KIF1B: variants seen among roughly 807,000 people sequenced by gnomAD.
KIF1B encodes the protein kinesin-like protein KIF1B.
KIF1B carries 76 observed loss-of-function variants against 241.9 expected under a neutral mutation model. That is an observed-to-expected ratio of 0.31 (90% CI 0.26 to 0.38). The LOEUF (loss-of-function observed/expected upper bound fraction) is 0.38. Ranked by LOEUF, KIF1B falls within the 10% of genes least tolerant of loss-of-function variation. The pLI is 1.00. For missense variants in KIF1B, 1,622 were observed against 2,271.4 expected (o/e 0.71, Z 5.81); for synonymous variants, 750 against 796.7 (o/e 0.94, Z 0.99).
intron 4 of KIF1B, among the ~76,000 whole-genome samples, chr1:10,261,458 G>A (rs923248653): frequency 8.6e-5 from 13 of 151,618 alleles, no homozygotes; most frequent in Non-Finnish European, 1.0e-4. Context: ...TGGCCAAGAT[G>A]TTCTCGATCT....
Position 10,258,505 on chromosome 1 carries a change from T to C in KIF1B, c.196T>C (p.Cys66Arg), listed in dbSNP as rs376227029. The C allele has an allele frequency of 6.2e-7, 1 of 1,614,006 alleles. No individual in the cohort carries two copies. The highest frequency in any genetic ancestry group is 8.5e-7 in the Non-Finnish European group (1 of 1,179,958). ...YWSHTSPEDPCFASQNRVYND... is the reference protein window; with the variant it reads ...YWSHTSPEDPRFASQNRVYND... ...TTACTCTTTACAGCCCGAAGATCCC[T>C]GTTTTGCATCTCAAAACCGTGTGTA... Residue 66 changes from cysteine (C) to arginine (R), a missense_variant, in exon 4 of 49, where the codon TGT becomes CGT. By Grantham distance (180) the Cys-to-Arg change is radical. This residue lies in a region of KIF1B where 156 missense variants were observed against 244.8 expected (regional missense o/e 0.64). Transcript: ENST00000676179.
intron 22 of KIF1B, among the ~76,000 whole-genome samples, chr1:10,315,822 G>A (rs542257023): frequency 4.2e-4 from 64 of 151,274 alleles, no homozygotes; most frequent in Admixed American, 8.5e-4. Flanking sequence ...TTGGGAGGCC[G>A]AGACGGGTGG....
At chr1:10,317,628 G>A (rs1345331199) in intron 22 of KIF1B, among the ~76,000 whole-genome samples, 3 of 151,282 alleles carry the variant, frequency 2.0e-5, no homozygotes, top group Non-Finnish European at 2.9e-5. Flanking sequence ...TAAGGAGTTC[G>A]AGACCAGCCT....
chr1:10,238,926 T>G (rs1647095693), intron 2 of KIF1B, among the ~76,000 whole-genome samples: 1 of 152,116 alleles, frequency 6.6e-6, no homozygotes, highest in Non-Finnish European at 1.5e-5. Context: ...TGGATTTTTT[T>G]GGTACTTTTT....
At chr1:10,360,027 C>T (rs12135219) in intron 38 of KIF1B, among the ~76,000 whole-genome samples, 20,527 of 151,256 alleles carry the variant, frequency 0.14, 1,505 homozygotes, top group South Asian at 0.18. Flanking sequence ...AGTGAAACTC[C>T]GTCTCAAAAA....
chr1:10,244,529 C>T (rs1400887577), intron 2 of KIF1B, among the ~76,000 whole-genome samples: 1 of 151,588 alleles, frequency 6.6e-6, no homozygotes, highest in Non-Finnish European at 1.5e-5. Flanking sequence ...TGAGGCTGGT[C>T]TCGAACTTCT....
At chr1:10,304,211 GT>G in intron 22 of KIF1B, 1 of 1,614,144 alleles carries the variant, frequency 6.2e-7, no homozygotes, top group Non-Finnish European at 8.5e-7. Context: ...GAAAAAGGGG[GT>G]AAAGGAGCTT....
chr1:10,335,567 A>G (rs1402331247), intron 28 of KIF1B, among the ~76,000 whole-genome samples: 1 of 152,168 alleles, frequency 6.6e-6, no homozygotes, highest in Non-Finnish European at 1.5e-5. Flanking sequence ...TAAATAATAT[A>G]TCTTAACTGC....
chr1:10,238,637 G>A (rs190770876), intron 2 of KIF1B, among the ~76,000 whole-genome samples: 18 of 151,998 alleles, frequency 1.2e-4, no homozygotes, highest in African/African-American at 4.1e-4. Context: ...CCTGGGAGGT[G>A]GAGGTTGCAG....
At chr1:10,308,937 G>A (rs1650952765) in intron 22 of KIF1B, among the ~76,000 whole-genome samples, 1 of 152,006 alleles carries the variant, frequency 6.6e-6, no homozygotes, top group Non-Finnish European at 1.5e-5. Context: ...ACATACTCTT[G>A]GTTTGAAGTT....
At position 10,368,517 on chromosome 1, in the gene KIF1B, C is replaced by T. The variant is rs780621329; in HGVS notation, c.4803C>T (p.His1601=). 44 of 1,613,806 alleles carry T rather than the reference C, an allele frequency of 2.7e-5. No individual in the cohort carries two copies. The highest frequency in any genetic ancestry group is 6.7e-5 in the African/African-American group (5 of 74,900). ...HTFNREFSQV[H]GSVSDCKLSD... is the part of the protein sequence containing the mutation. ...TCAACAGAGAATTCAGCCAGGTGCA[C>T]GGCAGCGTCAGTGACTGTAAGGTGA... The change falls in exon 44 of 49, where the codon CAC becomes CAT. Residue 1601 remains histidine (H), a synonymous_variant. Transcript: ENST00000676179.
chr1:10,324,905 G>A lies in KIF1B; in HGVS notation c.2675+10G>A. The A allele has an allele frequency of 6.2e-7, 1 of 1,613,658 alleles. No homozygotes were observed. The highest frequency in any genetic ancestry group is 2.2e-5 in the East Asian group (1 of 44,876). On this transcript the variant is annotated intron_variant, in intron 26 of 48. Coordinates refer to ENST00000676179, the MANE Select transcript of KIF1B (RefSeq NM_001365951.3). ...TCAAACTTGTGGGGAGGTATGTGAT[G>A]ATTTTGTTGATGTCTTCTTTTAAAA...
chr1:10,366,258 TAAA>T (rs1283457822), intron 43 of KIF1B, among the ~76,000 whole-genome samples: 2 of 151,672 alleles, frequency 1.3e-5, no homozygotes, highest in South Asian at 4.2e-4. Context: ...AATAAAAAAT[TAAA>T]AAATTAAAAA....
intron 16 of KIF1B, among the ~76,000 whole-genome samples, chr1:10,291,713 A>C (rs1267178795): frequency 2.0e-5 from 3 of 151,764 alleles, no homozygotes; most frequent in East Asian, 3.9e-4. Flanking sequence ...CTGTCTCAAA[A>C]AAAAAAAAAA....
At chr1:10,229,702 AT>A (rs1646953546) in intron 1 of KIF1B, among the ~76,000 whole-genome samples, 1 of 151,156 alleles carries the variant, frequency 6.6e-6, no homozygotes, top group South Asian at 2.1e-4. Flanking sequence ...TAAAAAAAAA[AT>A]ACAAAAAATT....
At chr1:10,216,678 G>A (rs1046159003) in intron 1 of KIF1B, among the ~76,000 whole-genome samples, 1 of 152,044 alleles carries the variant, frequency 6.6e-6, no homozygotes, top group African/African-American at 2.4e-5. Flanking sequence ...TTTCTCCACA[G>A]TTGCTATTAT....
At chr1:10,361,594 C>G (rs1287601260) in intron 39 of KIF1B, 98 bp from the exon 40 acceptor site, 1 of 1,470,680 alleles carries the variant, frequency 6.8e-7, no homozygotes, top group Non-Finnish European at 9.4e-7. Flanking sequence ...TCCTTCAGTT[C>G]TCACAACTGG....
chr1:10,244,737 C>G (rs1008273649), intron 2 of KIF1B, among the ~76,000 whole-genome samples: 2 of 151,944 alleles, frequency 1.3e-5, no homozygotes, highest in African/African-American at 4.8e-5. Context: ...CTCGGCCTCC[C>G]GAGTAGCTGG....
rs189939205 is a variant in KIF1B, at chr1:10,325,533, T to C, written c.2676-578T>C. 3.3e-5 allele frequency among the ~76,000 whole-genome samples: 5 copies of C among 152,360 alleles called. No individual in the cohort carries two copies. The East Asian group carries it at 9.6e-4, about 29-fold the overall frequency. ...TTGCAGAAAACCCTGTGATGTTTTTTAAAGAGGCTGGGTAAAAAGGAGTTG... is the reference window on the plus strand; with the variant it reads ...TTGCAGAAAACCCTGTGATGTTTTTCAAAGAGGCTGGGTAAAAAGGAGTTG... On this transcript the variant is annotated intron_variant, in intron 26 of 48. Transcript: ENST00000676179.
Sources: allele counts gnomAD v4.1 joint callset (sites outside exome capture counted in the v4.1 genomes callset), GRCh38; gene constraint gnomAD v4.1.1; regional missense constraint gnomAD v4.1.1; transcripts MANE v1.5; gene names NCBI Gene and HGNC (gene_info 2026-07-23, HGNC 2026-07-21).